PCGF5: variants seen among roughly 807,000 people sequenced by gnomAD.
PCGF5 encodes polycomb group RING finger protein 5.
In PCGF5, 9 loss-of-function variants were observed where a neutral mutation model predicts 44.3. The observed-to-expected ratio is 0.20, with a 90% CI of 0.12 to 0.35. The LOEUF is 0.35. Among genes scored for constraint, PCGF5 ranks in the 10% least tolerant of loss-of-function variants. PCGF5 has a pLI of 1.00. For synonymous variants in PCGF5, 95 were observed against 102.5 expected, an observed-to-expected ratio of 0.93 and a Z score of 0.44; for missense variants, 146 against 305.3, an observed-to-expected ratio of 0.48 and a Z score of 3.89.
Position 91,229,717 on chromosome 10 carries a change from T to G in PCGF5, c.112+6734T>G, listed in dbSNP as rs188954794. On this transcript the variant is annotated intron_variant, in intron 2 of 9. Coordinates refer to ENST00000336126, the MANE Select transcript of PCGF5 (RefSeq NM_032373.5). ...CCCAATACTGATCTGAATTTATGAT[T>G]CTGAATGAATAGCCATTTTAATGAA... is the stretch of plus-strand genomic sequence containing the variant. 1.6e-4 allele frequency among the ~76,000 whole-genome samples: 25 copies of G among 152,250 alleles called. No homozygotes were observed. In the East Asian group the frequency reaches 3.9e-3, roughly 23 times the overall value.
Position 91,239,986 on chromosome 10 carries a change from G to A in PCGF5, c.113-498G>A, listed in dbSNP as rs1286218316. On this transcript the variant is annotated intron_variant, in intron 2 of 9. Transcript: ENST00000336126. ...GCAGAAACTCATTACACCCTGCCAA[G>A]GCCAGCAAAGTCCATTGTGACTCCC... Among the ~76,000 whole-genome samples the A allele has an allele frequency of 2.0e-5, 3 of 152,114 alleles. No homozygotes were observed. In the East Asian group the frequency reaches 5.8e-4, roughly 29 times the overall value.
intron 9 of PCGF5, among the ~76,000 whole-genome samples, chr10:91,274,857 G>A (rs968552905): frequency 6.6e-5 from 10 of 152,170 alleles, no homozygotes; most frequent in African/African-American, 1.9e-4. Context: ...GCTGGAGCAC[G>A]ACAGTGCAGA....
chr10:91,203,094 A>T (rs1844282218), intron 1 of PCGF5, among the ~76,000 whole-genome samples: 1 of 152,212 alleles, frequency 6.6e-6, no homozygotes, highest in South Asian at 2.1e-4. Flanking sequence ...GTGTTCAGCC[A>T]CAATCTACCA....
intron 3 of PCGF5, among the ~76,000 whole-genome samples, 180 bp from the exon 4 acceptor site, chr10:91,248,324 GT>G: frequency 6.6e-6 from 1 of 152,090 alleles, no homozygotes; most frequent in Non-Finnish European, 1.5e-5. Context: ...TTTGTTATCA[GT>G]CTACTACTGG....
upstream of PCGF5, among the ~76,000 whole-genome samples, chr10:91,216,230 G>T (rs1298552383): frequency 6.6e-6 from 1 of 152,304 alleles, no homozygotes; most frequent in South Asian, 2.1e-4. Context: ...TATACAGGAG[G>T]CTCTTTGGCA....
chr10:91,176,694 G>A (rs1012276076), intron 1 of PCGF5, among the ~76,000 whole-genome samples: 16 of 151,980 alleles, frequency 1.1e-4, no homozygotes, highest in Non-Finnish European at 1.5e-4. Context: ...CCAGTTGATC[G>A]AATCAGCTAC....
At chr10:91,239,054 G>A (rs1160073200) in intron 2 of PCGF5, among the ~76,000 whole-genome samples, 7 of 152,026 alleles carry the variant, frequency 4.6e-5, no homozygotes, top group African/African-American at 1.2e-4. Flanking sequence ...GGGTCGCTAA[G>A]GGGTCCTATC....
At chr10:91,264,655 T>G in intron 8 of PCGF5, 135 bp downstream of exon 8, 1 of 628,850 alleles carries the variant, frequency 1.6e-6, no homozygotes, top group South Asian at 2.1e-5. Flanking sequence ...TTGCTACTGT[T>G]TCTCCTAGCA....
At chr10:91,251,585 C>G (rs1197853233) in intron 6 of PCGF5, 145 bp downstream of exon 6, 2 of 828,872 alleles carry the variant, frequency 2.4e-6, no homozygotes, top group African/African-American at 3.5e-5. Context: ...CTTTGACAAT[C>G]CTATGCTTAG....
In PCGF5 at chr10:91,196,049, A is replaced by G. The variant is rs534703441; in HGVS notation, c.-183-26640A>G. 8.6e-5 allele frequency among the ~76,000 whole-genome samples: 13 copies of G among 151,310 alleles called. No homozygotes were observed. The South Asian group carries it at 2.3e-3, about 27-fold the overall frequency. ...ATTTGTCCACTTTCTCGCATCCCCT[A>G]CTGGTCAAGTGTTGCCCCATGGGGT... On this transcript the variant is annotated intron_variant, in intron 1 of 9. Coordinates refer to the PCGF5 transcript ENST00000614189.
chr10:91,188,599 T>G (rs1007883242), intron 1 of PCGF5, among the ~76,000 whole-genome samples: 1 of 152,222 alleles, frequency 6.6e-6, no homozygotes. Flanking sequence ...TTTTATTTCC[T>G]TAATGTTATC....
chr10:91,196,631 T>C (rs1458788545), intron 1 of PCGF5, among the ~76,000 whole-genome samples: 2 of 152,202 alleles, frequency 1.3e-5, no homozygotes, highest in African/African-American at 4.8e-5. Context: ...CTTGCCCAGC[T>C]CCTTTCCATT....
At chr10:91,162,693 G>A (rs1843406835), upstream of PCGF5, among the ~76,000 whole-genome samples, 1 of 150,046 alleles carries the variant, frequency 6.7e-6, no homozygotes, top group Admixed American at 6.6e-5. Flanking sequence ...GTGCCCGGCA[G>A]GACGCTCCGG....
chr10:91,253,888 G>A (rs1845681646), intron 6 of PCGF5, among the ~76,000 whole-genome samples: 1 of 151,958 alleles, frequency 6.6e-6, no homozygotes, highest in Non-Finnish European at 1.5e-5. Context: ...ATTCATTATA[G>A]CACTAAAGCA....
chr10:91,257,068 A>T (rs916974532), intron 6 of PCGF5, among the ~76,000 whole-genome samples: 3 of 152,146 alleles, frequency 2.0e-5, no homozygotes, highest in African/African-American at 7.2e-5. Context: ...ATGTCTGATA[A>T]GCCTTTAATG....
At chr10:91,177,967 A>T (rs943880320) in intron 1 of PCGF5, among the ~76,000 whole-genome samples, 1 of 152,170 alleles carries the variant, frequency 6.6e-6, no homozygotes, top group African/African-American at 2.4e-5. Context: ...CCGGTACCTC[A>T]GTTGGAAATG....
intron 1 of PCGF5, among the ~76,000 whole-genome samples, chr10:91,210,465 G>C (rs1844429397): frequency 6.6e-6 from 1 of 152,160 alleles, no homozygotes; most frequent in South Asian, 2.1e-4. Flanking sequence ...CTTTGTTAGA[G>C]GATGCCACCT....
At chr10:91,191,210 T>TA (rs1297674576) in intron 1 of PCGF5, among the ~76,000 whole-genome samples, 6 of 152,138 alleles carry the variant, frequency 3.9e-5, no homozygotes, top group African/African-American at 1.4e-4. Context: ...ATAGAACTGG[T>TA]ATAACAATAT....
In PCGF5 at chr10:91,242,039, G is replaced by A. The variant is rs113585719; in HGVS notation, c.209+1459G>A. 9.6e-3 allele frequency among the ~76,000 whole-genome samples: 1,453 copies of A among 152,046 alleles called. 23 individuals carry two copies. The highest frequency in any genetic ancestry group is 0.032 in the African/African-American group (1,314 of 41,472). ...ATTTGGGAACCACTGGTCAACTCTG[G>A]TCTGTAATTCTGAGTAAGCCTTGTT... On this transcript the variant is annotated intron_variant, in intron 3 of 9. Transcript: ENST00000336126.
Sources: allele counts gnomAD v4.1 joint callset (sites outside exome capture counted in the v4.1 genomes callset), GRCh38; gene constraint gnomAD v4.1.1; transcripts MANE v1.5; gene names NCBI Gene and HGNC (gene_info 2026-07-23, HGNC 2026-07-21).